The following RAPGEFL1 variants were observed in gnomAD, a reference collection of about 807,000 sequenced individuals.
The protein encoded by RAPGEFL1 is rap guanine nucleotide exchange factor-like 1.
RAPGEFL1 carries 31 observed loss-of-function variants against 64.4 expected under a neutral mutation model. The ratio of observed to expected loss-of-function variants is 0.48; its 90% confidence interval spans 0.36 to 0.65. The LOEUF (loss-of-function observed/expected upper bound fraction) is 0.65. Ranked by LOEUF, RAPGEFL1 falls within the 30% of genes least tolerant of loss-of-function variation. RAPGEFL1 has a pLI of 0.00. For missense variants in RAPGEFL1, 682 were observed against 677.4 expected, an observed-to-expected ratio of 1.01 and a Z score of -0.08; for synonymous variants, 331 against 274.1, an observed-to-expected ratio of 1.21 and a Z score of -2.05.
chr17:40,181,547 G>C (rs1380475263), intron 1 of RAPGEFL1, 69 bp from the exon 2 acceptor site: 18 of 696,970 alleles, frequency 2.6e-5, no homozygotes, highest in Middle Eastern at 5.2e-4. Context: ...AAGAGAGGGA[G>C]GCACTGCATT....
chr17:40,181,998 A>G (rs948621853), intron 2 of RAPGEFL1, among the ~76,000 whole-genome samples: 37 of 151,446 alleles, frequency 2.4e-4, no homozygotes, highest in African/African-American at 9.0e-4. Flanking sequence ...CAGGAGAATC[A>G]CTTGAACCCG....
intron 4 of RAPGEFL1, among the ~76,000 whole-genome samples, chr17:40,186,503 G>GT (rs1480765574): frequency 2.1e-5 from 3 of 143,018 alleles, no homozygotes; most frequent in African/African-American, 7.6e-5. Flanking sequence ...GGGAAGCGGA[G>GT]TTTGCAGTGA....
intron 3 of RAPGEFL1, 107 bp downstream of exon 3, chr17:40,184,456 C>T: frequency 1.6e-6 from 2 of 1,216,600 alleles, no homozygotes; most frequent in South Asian, 1.4e-5. Flanking sequence ...GGAAGAGATG[C>T]CAGGGGGCCT....
intron 13 of RAPGEFL1, 95 bp downstream of exon 13, chr17:40,193,085 C>A: frequency 8.1e-7 from 1 of 1,228,502 alleles, no homozygotes; most frequent in Non-Finnish European, 1.2e-6. Context: ...AGCCTTCCTC[C>A]AAGTGCCCAG....
Position 40,184,096 on chromosome 17 carries a change from A to T in RAPGEFL1, c.600-118A>T. 5.0e-6 allele frequency: 4 copies of T among 800,942 alleles called. No individual in the cohort carries two copies. The Admixed American group carries it at 6.2e-5, about 12-fold the overall frequency. The allele number at this position is 800,942 out of a possible 1,614,324, so 49.6% of individuals were successfully genotyped here. A position where few individuals can be genotyped will look rare whatever the true frequency, so the allele number is the denominator to read the frequency against. ...TGACCTCAGGTGATCCGCCCGCCTCAGCTTCCCAAACTGCTGGGATTATAG... is the reference window on the plus strand; with the variant it reads ...TGACCTCAGGTGATCCGCCCGCCTCTGCTTCCCAAACTGCTGGGATTATAG... On this transcript the variant is annotated intron_variant, in intron 2 of 14. Coordinates refer to ENST00000620260, the MANE Select transcript of RAPGEFL1 (RefSeq NM_016339.6).
At chr17:40,189,562 C>G (rs918770416) in intron 6 of RAPGEFL1, among the ~76,000 whole-genome samples, 187 bp downstream of exon 6, 3 of 152,316 alleles carry the variant, frequency 2.0e-5, no homozygotes, top group African/African-American at 7.2e-5. Context: ...GTGGTGCAAA[C>G]CTGCAGTCCC....
chr17:40,178,172 A>G lies in RAPGEFL1; in HGVS notation c.311A>G (p.Gln104Arg). 5.5e-6 allele frequency: 3 copies of G among 547,412 alleles called. No homozygotes were observed. The highest frequency in any genetic ancestry group is 2.1e-5 in the South Asian group (1 of 47,340). The allele number at this position is 547,412 out of a possible 1,614,324, so 33.9% of individuals were successfully genotyped here. A position where few individuals can be genotyped will look rare whatever the true frequency, so the allele number is the denominator to read the frequency against. ...GGCAGCGGGGGGCCCTGCTGGCTGC[A>G]GCTGGAGGAGGTGCCGGGGCCCGGG... ...EPGSGGPCWL[Q>R]LEEVPGPGPL... The change falls in exon 1 of 15, where the codon CAG (glutamine) becomes CGG (arginine). Residue 104 changes from glutamine (Q) to arginine (R), a missense_variant. Around this residue, in one of 2 missense-constraint regions of RAPGEFL1, gnomAD observed 271 missense variants for 158.0 expected, o/e 1.72. Transcript: ENST00000620260.
Position 40,194,125 on chromosome 17 carries a change from T to C in RAPGEFL1, c.*337T>C, listed in dbSNP as rs1990377733. 3.7e-6 allele frequency: 1 copy of C among 273,588 alleles called. No homozygotes were observed. Among genetic ancestry groups the C allele is most frequent in the African/African-American group, 2.2e-5 (1 of 45,556 alleles). 16.9% of individuals were successfully genotyped at this position (273,588 alleles called of 1,614,324 possible). A position where few individuals can be genotyped will look rare whatever the true frequency, so the allele number is the denominator to read the frequency against. On this transcript the variant is annotated 3_prime_UTR_variant, in exon 15 of 15. Coordinates refer to ENST00000620260, the MANE Select transcript of RAPGEFL1 (RefSeq NM_016339.6). ...CAGCAGGAAAGAATGCTGCTCACCC[T>C]TCTGTCTTGCAGAGTGGGATTGTGG...
At position 40,189,109 on chromosome 17, in the gene RAPGEFL1, G is replaced by T. The variant is rs184140683; in HGVS notation, c.947-99G>T. 275 of 1,486,664 alleles carry T rather than the reference G, an allele frequency of 1.8e-4. 2 individuals are homozygous for T. In the East Asian group the frequency reaches 4.4e-3, roughly 24 times the overall value. 92.1% of individuals were successfully genotyped at this position (1,486,664 alleles called of 1,614,324 possible). A position where few individuals can be genotyped will look rare whatever the true frequency, so the allele number is the denominator to read the frequency against. On this transcript the variant is annotated intron_variant, in intron 5 of 14. Transcript: ENST00000620260. Reference sequence around the variant, plus strand: ...CCCCTTTCACAGGACCTTCTTCAGAGGCCAGCCTCTGGTGGGGAATAGAGG... The same window carrying T: ...CCCCTTTCACAGGACCTTCTTCAGATGCCAGCCTCTGGTGGGGAATAGAGG...
intron 4 of RAPGEFL1, among the ~76,000 whole-genome samples, chr17:40,188,310 C>T (rs1990148312): frequency 6.6e-6 from 1 of 152,186 alleles, no homozygotes; most frequent in East Asian, 1.9e-4. Flanking sequence ...GAATAGCTTT[C>T]TTCTTCCCCC....
At chr17:40,178,588 C>T (rs1989799486) in intron 1 of RAPGEFL1, among the ~76,000 whole-genome samples, 1 of 152,218 alleles carries the variant, frequency 6.6e-6, no homozygotes, top group Non-Finnish European at 1.5e-5. Context: ...GCAGCCTCAC[C>T]CTCGTCTGGA....
chr17:40,188,835 G>C (rs763174473), intron 4 of RAPGEFL1, 31 bp from the exon 5 acceptor site: 54 of 1,573,860 alleles, frequency 3.4e-5, no homozygotes, highest in Non-Finnish European at 4.5e-5. Flanking sequence ...GCCTGGCAGG[G>C]CGTGCTGATG....
rs572244652 is a variant in RAPGEFL1, at chr17:40,184,637, C to G, written c.792C>G (p.Asp264Glu). The G allele has an allele frequency of 3.8e-6, 6 of 1,593,710 alleles. No homozygotes were observed. The African/African-American group carries it at 8.0e-5, about 21-fold the overall frequency. Reference protein sequence around the residue: ...DESLYQGLREDTLRLHQLVET... With the variant: ...DESLYQGLREETLRLHQLVET... ...CCCTTTACCAGGGCCTCCGAGAGGA[C>G]ACTCTGAGGCTGCACCAGCTGGTGG... is the stretch of plus-strand genomic sequence containing the variant. Residue 264 changes from aspartate to glutamate, a missense_variant, in exon 4 of 15, where the codon GAC (aspartate) becomes GAG (glutamate). Physicochemically the swap from Asp to Glu is conservative, Grantham distance 45 (BLOSUM62 2). Coordinates refer to ENST00000620260, the MANE Select transcript of RAPGEFL1 (RefSeq NM_016339.6).
chr17:40,183,170 A>G (rs1329381416), intron 2 of RAPGEFL1, among the ~76,000 whole-genome samples: 1 of 152,130 alleles, frequency 6.6e-6, no homozygotes, highest in South Asian at 2.1e-4. Flanking sequence ...AAATAAATAA[A>G]TAAAAGTAAC....
chr17:40,187,569 T>C (rs1990116309), intron 4 of RAPGEFL1, among the ~76,000 whole-genome samples: 1 of 151,974 alleles, frequency 6.6e-6, no homozygotes, highest in African/African-American at 2.4e-5. Flanking sequence ...GAACTTCCCA[T>C]GGTCGGTTAT....
At chr17:40,186,849 G>T (rs1990094585) in intron 4 of RAPGEFL1, among the ~76,000 whole-genome samples, 2 of 148,238 alleles carry the variant, frequency 1.3e-5, no homozygotes, top group African/African-American at 2.5e-5. Flanking sequence ...AGCCGAGATT[G>T]CAGCACTGCA....
intron 11 of RAPGEFL1, 107 bp from the exon 12 acceptor site, chr17:40,192,499 A>G (rs878970595): frequency 1.0e-6 from 1 of 997,990 alleles, no homozygotes; most frequent in Non-Finnish European, 1.5e-6. Flanking sequence ...CAGCACCCCT[A>G]TCTGATCAGG....
At position 40,186,635 on chromosome 17, in the gene RAPGEFL1, TGCCTGTAATCCCA is replaced by T. The variant is rs1339793746; in HGVS notation, c.833+1960_833+1972del. Among the ~76,000 whole-genome samples, 3 of 117,368 alleles carry T rather than the reference TGCCTGTAATCCCA, an allele frequency of 2.6e-5. No individual in the cohort carries two copies. In the Admixed American group the frequency reaches 2.9e-4, roughly 11 times the overall value. The allele number at this position is 117,368 out of a possible 152,430, so 77.0% of individuals were successfully genotyped here. On this transcript the variant is annotated intron_variant, in intron 4 of 14. Transcript: ENST00000620260. ...GAGGTGGGCTGGGTGTGGTGGCTCA[TGCCTGTAATCCCA>T]GCACTTTGGGAGGCCGAGGCAGGCA...
At position 40,191,665 on chromosome 17, in the gene RAPGEFL1, C is replaced by G. The variant is rs780791433; in HGVS notation, c.1598C>G (p.Thr533Ser). ...DNAAVSRLRLTWEKLPGKFKN... is the reference protein window; with the variant it reads ...DNAAVSRLRLSWEKLPGKFKN... ...GCCGCTGTCAGCCGCCTTCGACTCA[C>G]CTGGGAGGTGATGAGACCCCTCCCG... Residue 533 changes from threonine to serine, a missense_variant, in exon 10 of 15, where the codon ACC (threonine) becomes AGC (serine). Around this residue, in one of 2 missense-constraint regions of RAPGEFL1, gnomAD observed 411 missense variants for 519.4 expected, o/e 0.79. Transcript: ENST00000620260. This position sits in a 1 kb window ranked among gnomAD's most constrained non-coding sequence, Gnocchi z 5.1. 6.2e-6 allele frequency: 10 copies of G among 1,610,906 alleles called. No individual in the cohort carries two copies. Among genetic ancestry groups the G allele is most frequent in the Non-Finnish European group, 8.5e-6 (10 of 1,178,992 alleles).
Sources: allele counts gnomAD v4.1 joint callset (sites outside exome capture counted in the v4.1 genomes callset), GRCh38; gene constraint gnomAD v4.1.1; regional missense constraint gnomAD v4.1.1; non-coding constraint Gnocchi (gnomAD v3.1); transcripts MANE v1.5; gene names NCBI Gene and HGNC (gene_info 2026-07-23, HGNC 2026-07-21).